Variants in ATXN1 observed in about 807,000 individuals in gnomAD.
ATXN1 encodes the protein ataxin-1.
A neutral mutation model predicts 56.4 loss-of-function variants in ATXN1; 8 were observed. The observed-to-expected ratio is 0.14, with a 90% confidence interval of 0.08 to 0.26. The LOEUF (loss-of-function observed/expected upper bound fraction) is 0.26, where lower values mean the gene tolerates loss of function less well. Ranked by LOEUF, ATXN1 falls within the 10% of genes least tolerant of loss-of-function variation. The pLI is 1.00. For missense variants in ATXN1, 987 were observed against 1,106.5 expected (o/e 0.89, Z 1.53); for synonymous variants, 514 against 494.6 (o/e 1.04, Z -0.52).
At chr6:16,614,426 T>C (rs543192890) in intron 3 of ATXN1, among the ~76,000 whole-genome samples, 1 of 152,034 alleles carries the variant, frequency 6.6e-6, no homozygotes, top group South Asian at 2.1e-4. Context: ...GTTTCCATGA[T>C]ACATACATCC....
At chr6:16,474,013 G>C (rs981165191) in intron 6 of ATXN1, among the ~76,000 whole-genome samples, 1 of 152,110 alleles carries the variant, frequency 6.6e-6, no homozygotes, top group African/African-American at 2.4e-5. Context: ...CCACTCCCCT[G>C]TCTTCAAGAT....
At position 16,347,573 on chromosome 6, in the gene ATXN1, C is replaced by G. The variant is rs376656834; in HGVS notation, c.-160-19103G>C. Among the ~76,000 whole-genome samples, 93 of 152,246 alleles carry G rather than the reference C, an allele frequency of 6.1e-4. No individual in the cohort carries two copies. The East Asian group carries it at 0.013, about 21-fold the overall frequency. ...AAACACACCAATCAGCACCCTGTGTCTAGCTCAGGGTTTGTGAATGCACCA... is the reference window on the plus strand; with the variant it reads ...AAACACACCAATCAGCACCCTGTGTGTAGCTCAGGGTTTGTGAATGCACCA... On this transcript the variant is annotated intron_variant, in intron 6 of 7. Transcript: ENST00000436367.
At chr6:16,415,385 T>C (rs2113557345) in intron 6 of ATXN1, among the ~76,000 whole-genome samples, 1 of 152,186 alleles carries the variant, frequency 6.6e-6, no homozygotes, top group South Asian at 2.1e-4. Context: ...CCTGCCACCA[T>C]GCCCGGCTAA....
At chr6:16,685,751 A>C (rs777442552) in intron 2 of ATXN1, among the ~76,000 whole-genome samples, 9 of 152,218 alleles carry the variant, frequency 5.9e-5, no homozygotes, top group Non-Finnish European at 1.2e-4. Context: ...CATTCTTTAA[A>C]CTGTAAAAAC....
chr6:16,504,324 T>C (rs759748142), intron 5 of ATXN1, among the ~76,000 whole-genome samples: 5 of 152,216 alleles, frequency 3.3e-5, no homozygotes, highest in Non-Finnish European at 5.9e-5. Context: ...GAACAGGGCC[T>C]GTGTGTCAAA....
At chr6:16,417,542 G>A (rs112571096) in intron 6 of ATXN1, among the ~76,000 whole-genome samples, 3,464 of 151,482 alleles carry the variant, frequency 0.023, 53 homozygotes, top group Middle Eastern at 0.052. Context: ...AGGTTCAAGC[G>A]ATTGTCCTGC....
intron 2 of ATXN1, among the ~76,000 whole-genome samples, chr6:16,695,437 C>G (rs748641331): frequency 2.2e-4 from 33 of 152,178 alleles, no homozygotes; most frequent in Non-Finnish European, 4.3e-4. Flanking sequence ...ATCCAGATGA[C>G]TACCTCTGTT....
intron 2 of ATXN1, among the ~76,000 whole-genome samples, chr6:16,658,534 C>T (rs1316922956): frequency 6.6e-6 from 1 of 152,164 alleles, no homozygotes; most frequent in Non-Finnish European, 1.5e-5. Context: ...TTAAAATATG[C>T]ATGCCTCTTT....
At chr6:16,362,218 G>A (rs139890574) in intron 6 of ATXN1, among the ~76,000 whole-genome samples, 1 of 152,304 alleles carries the variant, frequency 6.6e-6, no homozygotes, top group Non-Finnish European at 1.5e-5. Context: ...GAGAAACAGG[G>A]CAAGTAGCTC....
At chr6:16,622,418 CAA>C (rs1424567066) in intron 3 of ATXN1, among the ~76,000 whole-genome samples, 1 of 151,776 alleles carries the variant, frequency 6.6e-6, no homozygotes, top group Non-Finnish European at 1.5e-5. Context: ...ACCAAACAAG[CAA>C]AGAGTACAAG....
Position 16,461,839 on chromosome 6 carries a change from A to C in ATXN1, c.-161+24133T>G, listed in dbSNP as rs114678829. Among the ~76,000 whole-genome samples the C allele has an allele frequency of 6.1e-3, 935 of 152,140 alleles. 5 individuals are homozygous for C. Among genetic ancestry groups the C allele is most frequent in the African/African-American group, 0.021 (883 of 41,480 alleles). On this transcript the variant is annotated intron_variant, in intron 6 of 7. Transcript: ENST00000436367. ...GGAAGGCTGAGAAGGCAAACGAAAC[A>C]CTCAAGAGGCACTTAAGGAAACGAA... is the stretch of plus-strand genomic sequence containing the variant.
At chr6:16,442,896 C>T (rs2113600480) in intron 6 of ATXN1, among the ~76,000 whole-genome samples, 1 of 152,276 alleles carries the variant, frequency 6.6e-6, no homozygotes, top group Admixed American at 6.5e-5. Context: ...CCTGTAATCC[C>T]ATCTACTCAG....
intron 6 of ATXN1, among the ~76,000 whole-genome samples, chr6:16,418,727 C>T (rs1453690846): frequency 7.9e-6 from 1 of 127,006 alleles, no homozygotes; most frequent in Non-Finnish European, 1.7e-5. Flanking sequence ...CCCCCCACCC[C>T]ACAACAGTCC....
At chr6:16,700,067 TCA>T (rs1264826205) in intron 2 of ATXN1, among the ~76,000 whole-genome samples, 1 of 152,180 alleles carries the variant, frequency 6.6e-6, no homozygotes, top group Non-Finnish European at 1.5e-5. Flanking sequence ...CTCTGTATTC[TCA>T]CTCTCCTTTT....
intron 4 of ATXN1, among the ~76,000 whole-genome samples, chr6:16,582,615 G>A (rs1197575986): frequency 2.0e-5 from 3 of 151,996 alleles, no homozygotes; most frequent in Admixed American, 2.0e-4. Flanking sequence ...AAAATGGTGT[G>A]GGCAACCATG....
chr6:16,537,705 T>A, intron 4 of ATXN1, among the ~76,000 whole-genome samples: 1 of 144,234 alleles, frequency 6.9e-6, no homozygotes. Flanking sequence ...AAACTCTGTC[T>A]CAAAAAAAAG....
At chr6:16,613,346 C>T (rs888847262) in intron 3 of ATXN1, among the ~76,000 whole-genome samples, 1 of 148,348 alleles carries the variant, frequency 6.7e-6, no homozygotes, top group Non-Finnish European at 1.5e-5. Flanking sequence ...CTTATTTTTG[C>T]ATATATTTTA....
At position 16,364,356 on chromosome 6, in the gene ATXN1, G is replaced by C. The variant is rs2113479891; in HGVS notation, c.-160-35886C>G. Reference sequence around the variant, plus strand: ...AGGCTCGTTCTGTCGCCAGGCTGGAGTGCAGTGGCGCGATCTCAGCTCACT... The same window carrying C: ...AGGCTCGTTCTGTCGCCAGGCTGGACTGCAGTGGCGCGATCTCAGCTCACT... On this transcript the variant is annotated intron_variant, in intron 6 of 7. Transcript: ENST00000436367. Among the ~76,000 whole-genome samples, 4 of 152,082 alleles carry C rather than the reference G, an allele frequency of 2.6e-5. No individual in the cohort carries two copies. In the Middle Eastern group the frequency reaches 0.014, roughly 517 times the overall value.
At chr6:16,374,159 CAT>C (rs1296415889) in intron 6 of ATXN1, among the ~76,000 whole-genome samples, 8 of 129,478 alleles carry the variant, frequency 6.2e-5, no homozygotes, top group Non-Finnish European at 9.8e-5. Flanking sequence ...AAAAAAAAGA[CAT>C]AGACCCTGCT....
Sources: gnomAD v4.1 joint callset for allele counts (sites outside exome capture counted in the v4.1 genomes callset) on GRCh38, gnomAD v4.1.1 for gene constraint, MANE v1.5 for transcripts, NCBI Gene and HGNC (gene_info 2026-07-23, HGNC 2026-07-21) for gene names.